PREX2: variants seen among roughly 807,000 people sequenced by gnomAD.
PREX2 encodes phosphatidylinositol-3,4,5-trisphosphate dependent Rac exchange factor 2.
PREX2 carries 107 observed loss-of-function variants against 203.2 expected under a neutral mutation model. The ratio of observed to expected loss-of-function variants is 0.53; its 90% CI spans 0.45 to 0.62. The LOEUF is 0.62. Among genes scored for constraint, PREX2 ranks in the 20% least tolerant of loss-of-function variants. PREX2 has a pLI of 0.00. For synonymous variants in PREX2, 672 were observed against 663.6 expected, an observed-to-expected ratio of 1.01 and a Z score of -0.19; for missense variants, 1,777 against 1,955.9, an observed-to-expected ratio of 0.91 and a Z score of 1.72.
chr8:67,956,210 T>C (rs1805490159), intron 1 of PREX2, among the ~76,000 whole-genome samples: 1 of 152,218 alleles, frequency 6.6e-6, no homozygotes, highest in South Asian at 2.1e-4. Flanking sequence ...TGACATCCAG[T>C]ATTTAACATC....
chr8:68,184,795 A>G (rs1372968624), intron 35 of PREX2, among the ~76,000 whole-genome samples: 1 of 152,166 alleles, frequency 6.6e-6, no homozygotes, highest in Admixed American at 6.6e-5. Flanking sequence ...CATTTTTGTC[A>G]CTGATTTAAC....
At chr8:68,223,404 A>G (rs1465032965) in intron 38 of PREX2, 1 of 152,258 alleles carries the variant, frequency 6.6e-6, no homozygotes, top group Non-Finnish European at 1.5e-5. Flanking sequence ...TGAACAGTCA[A>G]TTGAGATAAC....
At position 68,115,882 on chromosome 8, in the gene PREX2, T is replaced by G. The variant is rs1810647050; in HGVS notation, c.3276T>G (p.Asp1092Glu). ...GGGTATGTTTTAATGTAGCAGGAGA[T>G]GAACAGGAAGATTCTGGTCATGACA... The part of the protein sequence containing the change: ...SKRVCFNVAG[D>E]EQEDSGHDTI... Residue 1092 changes from aspartate to glutamate, a missense_variant, in exon 26 of 40, where the codon GAT (aspartate) becomes GAG (glutamate). Coordinates refer to ENST00000288368, the MANE Select transcript of PREX2 (RefSeq NM_024870.4). 1 of 1,613,786 alleles carries G rather than the reference T, an allele frequency of 6.2e-7. No homozygotes were observed. The highest frequency in any genetic ancestry group is 8.5e-7 in the Non-Finnish European group (1 of 1,179,924).
At chr8:68,149,373 C>G (rs1811388825) in intron 34 of PREX2, among the ~76,000 whole-genome samples, 1 of 152,148 alleles carries the variant, frequency 6.6e-6, no homozygotes, top group Non-Finnish European at 1.5e-5. Flanking sequence ...CCTAGGCAGA[C>G]AAAAGTGATA....
chr8:68,229,807 C>T (rs1399537498), intron 39 of PREX2, among the ~76,000 whole-genome samples: 2 of 152,162 alleles, frequency 1.3e-5, no homozygotes, highest in Non-Finnish European at 2.9e-5. Context: ...CATTAGGCAG[C>T]ACTGTCAGGG....
intron 35 of PREX2, among the ~76,000 whole-genome samples, chr8:68,175,983 A>G (rs969932936): frequency 6.6e-6 from 1 of 152,152 alleles, no homozygotes. Context: ...GTTCTATTCC[A>G]TTCATAATAT....
intron 20 of PREX2, 110 bp downstream of exon 20, chr8:68,090,825 A>G (rs1167905898): frequency 1.3e-6 from 1 of 745,026 alleles, no homozygotes; most frequent in East Asian, 2.7e-5. Context: ...TTTAAGTTTA[A>G]AATTAAACAC....
intron 8 of PREX2, among the ~76,000 whole-genome samples, chr8:68,046,651 A>T (rs1808361987): frequency 1.3e-5 from 2 of 152,138 alleles, no homozygotes; most frequent in South Asian, 4.1e-4. Flanking sequence ...CTTGACACAA[A>T]TTCGCAGGCT....
chr8:68,138,570 A>C, intron 33 of PREX2, 53 bp downstream of exon 33: 1 of 826,230 alleles, frequency 1.2e-6, no homozygotes, highest in East Asian at 2.6e-5. Flanking sequence ...ATTATATATG[A>C]TATAACTTTG....
intron 25 of PREX2, among the ~76,000 whole-genome samples, chr8:68,114,597 T>TCAGCAGC (rs1458065215): frequency 6.6e-6 from 1 of 152,102 alleles, no homozygotes; most frequent in Non-Finnish European, 1.5e-5. Flanking sequence ...AGTGTTGGAG[T>TCAGCAGC]CAGCAGCTAC....
chr8:68,081,551 G>A (rs1044395836), intron 17 of PREX2, among the ~76,000 whole-genome samples: 2 of 152,118 alleles, frequency 1.3e-5, no homozygotes, highest in Non-Finnish European at 2.9e-5. Context: ...TATTATGCAC[G>A]GCAGATGGTT....
intron 8 of PREX2, among the ~76,000 whole-genome samples, chr8:68,048,955 G>T (rs936129638): frequency 6.6e-6 from 1 of 151,652 alleles, no homozygotes; most frequent in Non-Finnish European, 1.5e-5. Context: ...TAATTAAAAC[G>T]TAACAATGGC....
chr8:68,200,909 T>G (rs913560252), intron 37 of PREX2, among the ~76,000 whole-genome samples: 2 of 152,142 alleles, frequency 1.3e-5, no homozygotes, highest in Non-Finnish European at 2.9e-5. Flanking sequence ...ACATAAATAT[T>G]AGTTATATTT....
At chr8:68,219,955 A>G (rs1345628363) in intron 38 of PREX2, among the ~76,000 whole-genome samples, 1 of 152,206 alleles carries the variant, frequency 6.6e-6, no homozygotes, top group African/African-American at 2.4e-5. Flanking sequence ...AAGTGGTTAG[A>G]TATTTGTCAT....
At chr8:68,022,926 T>G (rs1354091222) in intron 4 of PREX2, among the ~76,000 whole-genome samples, 1 of 152,212 alleles carries the variant, frequency 6.6e-6, no homozygotes, top group African/African-American at 2.4e-5. Flanking sequence ...GTAAAATGTT[T>G]TCGAAGTTCA....
At chr8:68,074,955 T>A (rs1001301534) in intron 14 of PREX2, among the ~76,000 whole-genome samples, 2 of 152,260 alleles carry the variant, frequency 1.3e-5, no homozygotes, top group Non-Finnish European at 2.9e-5. Context: ...GTGCTGCTTC[T>A]ATTATAGTAT....
At chr8:68,174,713 T>C (rs1431431414) in intron 35 of PREX2, among the ~76,000 whole-genome samples, 3 of 152,228 alleles carry the variant, frequency 2.0e-5, no homozygotes, top group African/African-American at 7.2e-5. Flanking sequence ...TTGTCTTTTT[T>C]GTTGTTGTTG....
intron 6 of PREX2, among the ~76,000 whole-genome samples, chr8:68,033,213 C>T (rs1335343774): frequency 6.6e-6 from 1 of 152,022 alleles, no homozygotes; most frequent in African/African-American, 2.4e-5. Context: ...ATTGAAATTT[C>T]TTGTTTGCAA....
intron 35 of PREX2, 82 bp downstream of exon 35, chr8:68,157,518 C>T: frequency 1.6e-6 from 1 of 610,310 alleles, no homozygotes; most frequent in Non-Finnish European, 2.9e-6. Context: ...TGCTATTTAT[C>T]ATATTAGATT....
Sources: allele counts gnomAD v4.1 joint callset (sites outside exome capture counted in the v4.1 genomes callset), GRCh38; gene constraint gnomAD v4.1.1; transcripts MANE v1.5; gene names NCBI Gene and HGNC (gene_info 2026-07-23, HGNC 2026-07-21).